The following RAG1 variants were observed in gnomAD, a reference collection of about 807,000 sequenced individuals.
The protein encoded by RAG1 is V(D)J recombination-activating protein 1.
Under a neutral mutation model 62.7 loss-of-function variants are expected in RAG1, and 35 were observed. That is an observed-to-expected ratio of 0.56 (90% CI 0.43 to 0.74). The LOEUF (loss-of-function observed/expected upper bound fraction) is 0.74, where lower values mean the gene tolerates loss of function less well. Among genes scored for constraint, RAG1 ranks in the 30% least tolerant of loss-of-function variants. The pLI is 0.00. For missense variants in RAG1, 1,169 were observed against 1,278.6 expected (o/e 0.91, Z 1.31); for synonymous variants, 461 against 470.3 (o/e 0.98, Z 0.26).
chr11:36,520,469 G>A (rs1408818774), intron 2 of RAG1, among the ~76,000 whole-genome samples: 1 of 152,086 alleles, frequency 6.6e-6, no homozygotes, highest in Non-Finnish European at 1.5e-5. Flanking sequence ...GAAGAGACGG[G>A]GTTTCCCCAT....
upstream of RAG1, among the ~76,000 whole-genome samples, chr11:36,564,210 C>G (rs73453397): frequency 0.02 from 2,990 of 152,266 alleles, 98 homozygotes; most frequent in African/African-American, 0.068. Flanking sequence ...TTTTCTGGGA[C>G]TGGTCAGGAT....
intron 3 of RAG1, among the ~76,000 whole-genome samples, chr11:36,551,710 ATGTG>A: frequency 2.1e-5 from 3 of 140,192 alleles, no homozygotes; most frequent in African/African-American, 8.0e-5. Context: ...GCACCCACTA[ATGTG>A]TCATCTAGCA....
At chr11:36,567,716 G>A (rs1590697186), upstream of RAG1, among the ~76,000 whole-genome samples, 1 of 152,148 alleles carries the variant, frequency 6.6e-6, no homozygotes, top group Non-Finnish European at 1.5e-5. Flanking sequence ...TGGAACTGAG[G>A]CACAGAGATA....
At chr11:36,551,878 T>G (rs1850492394) in intron 3 of RAG1, among the ~76,000 whole-genome samples, 1 of 144,278 alleles carries the variant, frequency 6.9e-6, no homozygotes, top group African/African-American at 2.6e-5. Context: ...GTTCTTGCGA[T>G]AGTTTACTGA....
chr11:36,536,284 A>G (rs992739580), downstream of RAG1, among the ~76,000 whole-genome samples: 2 of 152,240 alleles, frequency 1.3e-5, no homozygotes, highest in Non-Finnish European at 1.5e-5. Context: ...TATACAATAC[A>G]ATATGGCAAT....
At chr11:36,520,011 A>T (rs1860054245) in intron 1 of RAG1, 2 of 152,336 alleles carry the variant, frequency 1.3e-5, no homozygotes, top group Middle Eastern at 3.4e-3. Flanking sequence ...TTTAAAACAT[A>T]GTCTTGCTGT....
In RAG1 at chr11:36,575,588, G is replaced by A. The variant is rs563140654; in HGVS notation, c.2284G>A (p.Val762Ile). 11 of 1,614,200 alleles carry A rather than the reference G, an allele frequency of 6.8e-6. No homozygotes were observed. The South Asian group carries it at 9.9e-5, about 15-fold the overall frequency. ...SHAENLERYE[V>I]WRSNPYHESV... is the part of the protein sequence containing the mutation. Reference sequence around the variant, plus strand: ...TGCTGAGAACCTGGAACGTTATGAGGTCTGGCGTTCCAACCCTTACCATGA... The same window carrying A: ...TGCTGAGAACCTGGAACGTTATGAGATCTGGCGTTCCAACCCTTACCATGA... Residue 762 changes from valine to isoleucine, a missense_variant, in exon 2 of 2, where the codon GTC becomes ATC. Coordinates refer to ENST00000299440, the MANE Select transcript of RAG1 (RefSeq NM_000448.3). The surrounding 1 kb of genome is among the most constrained non-coding windows in gnomAD (Gnocchi z 4.1).
At chr11:36,539,669 G>C (rs1248461505), downstream of RAG1, among the ~76,000 whole-genome samples, 2 of 152,080 alleles carry the variant, frequency 1.3e-5, no homozygotes, top group Non-Finnish European at 2.9e-5. Context: ...GTAGAGACAG[G>C]GTTTCACTAC....
intron 2 of RAG1, among the ~76,000 whole-genome samples, chr11:36,533,702 A>G (rs928090460): frequency 2.6e-5 from 4 of 152,154 alleles, no homozygotes; most frequent in African/African-American, 7.2e-5. Context: ...TCTGTTTTTT[A>G]AATGGGGATG....
intron 3 of RAG1, among the ~76,000 whole-genome samples, chr11:36,547,472 T>A (rs1350281981): frequency 1.3e-5 from 2 of 152,072 alleles, no homozygotes; most frequent in African/African-American, 4.8e-5. Flanking sequence ...GAAATACAAC[T>A]ACCATCAGAG....
chr11:36,572,600 G>GT (rs2133291764), intron 1 of RAG1, among the ~76,000 whole-genome samples: 1 of 152,268 alleles, frequency 6.6e-6, no homozygotes, highest in East Asian at 1.9e-4. Context: ...AGAGTTCCGT[G>GT]TTTTTTGTTT....
downstream of RAG1, among the ~76,000 whole-genome samples, chr11:36,539,446 A>G (rs1860381000): frequency 6.6e-6 from 1 of 152,146 alleles, no homozygotes; most frequent in South Asian, 2.1e-4. Flanking sequence ...GCTAATCTTT[A>G]GAGACTTCTT....
At chr11:36,511,355 G>C (rs1859918785) in intron 1 of RAG1, among the ~76,000 whole-genome samples, 1 of 152,192 alleles carries the variant, frequency 6.6e-6, no homozygotes, top group Non-Finnish European at 1.5e-5. Flanking sequence ...TCTGGAGGCT[G>C]AGGTGGGAGG....
intron 3 of RAG1, among the ~76,000 whole-genome samples, chr11:36,546,395 C>G (rs1850393483): frequency 6.6e-6 from 1 of 152,156 alleles, no homozygotes; most frequent in Admixed American, 6.5e-5. Flanking sequence ...ACTAGGATTG[C>G]AACCCCTGCT....
chr11:36,540,328 T>C (rs1382163697), downstream of RAG1, among the ~76,000 whole-genome samples: 1 of 152,240 alleles, frequency 6.6e-6, no homozygotes, highest in Non-Finnish European at 1.5e-5. Context: ...CAATTGAAGC[T>C]TGCCAGACCC....
Position 36,557,500 on chromosome 11 carries a change from G to A in RAG1, c.-411-5885G>A, listed in dbSNP as rs866454916. 7.4e-5 allele frequency among the ~76,000 whole-genome samples: 11 copies of A among 149,064 alleles called. No individual in the cohort carries two copies. In the Middle Eastern group the frequency reaches 0.014, roughly 184 times the overall value. ...ACGGTGCGCGCACACACTGGCCTGCGCCCACTGTCTGGCACTCCCTAGTGA... is the reference window on the plus strand; with the variant it reads ...ACGGTGCGCGCACACACTGGCCTGCACCCACTGTCTGGCACTCCCTAGTGA... On this transcript the variant is annotated intron_variant and NMD_transcript_variant, in intron 3 of 9. Transcript: ENST00000534663.
chr11:36,544,736 A>G (rs1271491272), intron 3 of RAG1, among the ~76,000 whole-genome samples: 1 of 152,060 alleles, frequency 6.6e-6, no homozygotes, highest in South Asian at 2.1e-4. Context: ...TGTAATCCTC[A>G]TGTGTCGAGG....
chr11:36,575,111 G>A lies in RAG1; in HGVS notation c.1807G>A (p.Asp603Asn). 1 of 1,614,198 alleles carries A rather than the reference G, an allele frequency of 6.2e-7. No homozygotes were observed. Among genetic ancestry groups the A allele is most frequent in the Non-Finnish European group, 8.5e-7 (1 of 1,180,024 alleles). The change falls in exon 2 of 2, where the codon GAT (aspartate) becomes AAT (asparagine). Residue 603 changes from aspartate to asparagine, a missense_variant. Asp to Asn is a conservative substitution (Grantham distance 23). Transcript: ENST00000299440. This position sits in a 1 kb window ranked among gnomAD's most constrained non-coding sequence, Gnocchi z 4.1. ...PFTVVVKESCDGMGDVSEKHG... is the reference protein window; with the variant it reads ...PFTVVVKESCNGMGDVSEKHG... ...CACTGTGGTGGTGAAGGAGTCTTGT[G>A]ATGGAATGGGAGACGTGAGTGAGAA...
intron 1 of RAG1, among the ~76,000 whole-genome samples, chr11:36,519,807 C>T (rs371957359): frequency 1.2e-4 from 19 of 152,158 alleles, no homozygotes; most frequent in South Asian, 8.3e-4. Context: ...AACCCCTCCA[C>T]GCCCTCCCAC....
Sources: gnomAD v4.1 joint callset for allele counts (sites outside exome capture counted in the v4.1 genomes callset) on GRCh38, gnomAD v4.1.1 for gene constraint, Gnocchi (gnomAD v3.1) non-coding constraint, MANE v1.5 for transcripts, NCBI Gene and HGNC (gene_info 2026-07-23, HGNC 2026-07-21) for gene names.